Variants in AGO4 observed in about 807,000 individuals in gnomAD.
The protein encoded by AGO4 is argonaute RISC component 4.
In AGO4, 33 loss-of-function variants were observed where a neutral mutation model predicts 104.7. The observed-to-expected ratio is 0.32, with a 90% confidence interval of 0.24 to 0.42. The LOEUF (loss-of-function observed/expected upper bound fraction) is 0.42, where lower values mean the gene tolerates loss of function less well. Ranked by LOEUF, AGO4 falls within the 10% of genes least tolerant of loss-of-function variation. AGO4 has a pLI of 1.00. For synonymous variants in AGO4, 331 were observed against 364.7 expected, an observed-to-expected ratio of 0.91 and a Z score of 1.05; for missense variants, 711 against 1,083.4, an observed-to-expected ratio of 0.66 and a Z score of 4.83.
intron 15 of AGO4, among the ~76,000 whole-genome samples, chr1:35,846,698 C>T (rs1445109991): frequency 6.6e-6 from 1 of 151,780 alleles, no homozygotes; most frequent in Non-Finnish European, 1.5e-5. Flanking sequence ...GGTCCTCCCA[C>T]CTCAGCCTCC....
intron 2 of AGO4, among the ~76,000 whole-genome samples, chr1:35,821,519 A>G (rs1643885133): frequency 6.6e-6 from 1 of 152,176 alleles, no homozygotes; most frequent in Admixed American, 6.6e-5. Context: ...TCTATACACC[A>G]GTTTTTTTGC....
chr1:35,825,226 A>G (rs1424125911), intron 3 of AGO4, 87 bp from the exon 4 acceptor site: 1 of 1,359,336 alleles, frequency 7.4e-7, no homozygotes, highest in African/African-American at 1.5e-5. Flanking sequence ...AAATATCCTT[A>G]TGCATGTATC....
Position 35,831,415 on chromosome 1 carries a change from T to C in AGO4, c.849-12T>C. 1 of 1,567,332 alleles carries C rather than the reference T, an allele frequency of 6.4e-7. No individual in the cohort carries two copies. The highest frequency in any genetic ancestry group is 8.6e-7 in the Non-Finnish European group (1 of 1,163,020). On this transcript the variant is annotated splice_polypyrimidine_tract_variant and intron_variant, in intron 7 of 17. Coordinates refer to ENST00000373210, the MANE Select transcript of AGO4 (RefSeq NM_017629.4). ...TGAAGAAATATTCTAAAAAAGACATTCTCTCCTATAGTTTTCCTTTGCAGC... is the reference window on the plus strand; with the variant it reads ...TGAAGAAATATTCTAAAAAAGACATCCTCTCCTATAGTTTTCCTTTGCAGC...
At chr1:35,838,621 A>G (rs1644369666) in intron 13 of AGO4, among the ~76,000 whole-genome samples, 2 of 152,120 alleles carry the variant, frequency 1.3e-5, no homozygotes, top group South Asian at 4.1e-4. Flanking sequence ...AGTTTGTCAG[A>G]TTGACTCTAG....
chr1:35,808,777 C>T lies in AGO4; in HGVS notation c.19+342C>T, dbSNP rs1287281494. Among the ~76,000 whole-genome samples, 1 of 152,162 alleles carries T rather than the reference C, an allele frequency of 6.6e-6. No individual in the cohort carries two copies. The highest frequency in any genetic ancestry group is 1.5e-5 in the Non-Finnish European group (1 of 68,010). Reference sequence around the variant, plus strand: ...GGCCTCAGAAGGGGGCGATCCGCTACCCAGTGCGCGCGGAGGCCTGGCCCA... The same window carrying T: ...GGCCTCAGAAGGGGGCGATCCGCTATCCAGTGCGCGCGGAGGCCTGGCCCA... On this transcript the variant is annotated intron_variant, in intron 1 of 17. Coordinates refer to ENST00000373210, the MANE Select transcript of AGO4 (RefSeq NM_017629.4). This position sits in a 1 kb window ranked among gnomAD's most constrained non-coding sequence, Gnocchi z 5.2.
At position 35,825,685 on chromosome 1, in the gene AGO4, C is replaced by T. The variant is rs368683042; in HGVS notation, c.495C>T (p.Thr165=). The change falls in exon 5 of 18, where the codon ACC becomes ACT. Residue 165 remains threonine (T), a synonymous_variant. Coordinates refer to ENST00000373210, the MANE Select transcript of AGO4 (RefSeq NM_017629.4). ...CAAACTCTTATTTCTTCAGGTACAC[C>T]CCAGTGGGCCGTTCCTTTTTCTCAC... ...ITRHLPSMRY[T]PVGRSFFSPP... 6.4e-7 allele frequency: 1 copy of T among 1,550,530 alleles called. No homozygotes were observed. Among genetic ancestry groups the T allele is most frequent in the East Asian group, 2.2e-5 (1 of 44,534 alleles).
At chr1:35,837,778 T>G (rs1022749629) in intron 13 of AGO4, among the ~76,000 whole-genome samples, 1 of 152,184 alleles carries the variant, frequency 6.6e-6, no homozygotes, top group African/African-American at 2.4e-5. Flanking sequence ...TTCTTTGTGG[T>G]TTCTGGTCCT....
chr1:35,844,824 A>G (rs907119977), intron 15 of AGO4, among the ~76,000 whole-genome samples: 2 of 152,154 alleles, frequency 1.3e-5, no homozygotes, highest in Non-Finnish European at 2.9e-5. Flanking sequence ...CTTCTCCCTC[A>G]GTCTCACTGC....
At chr1:35,850,021 A>G in intron 15 of AGO4, 136 bp from the exon 16 acceptor site, 1 of 603,030 alleles carries the variant, frequency 1.7e-6, no homozygotes, top group Non-Finnish European at 2.9e-6. Context: ...AGAGGATTCA[A>G]CATCTTGAAT....
intron 12 of AGO4, 67 bp downstream of exon 12, chr1:35,834,241 T>C (rs1400960207): frequency 7.6e-7 from 1 of 1,320,750 alleles, no homozygotes; most frequent in Non-Finnish European, 9.9e-7. Context: ...CAGGATAAGC[T>C]AGGTTATGCT....
intron 1 of AGO4, among the ~76,000 whole-genome samples, chr1:35,815,833 A>G (rs1254027994): frequency 1.3e-5 from 2 of 152,142 alleles, no homozygotes; most frequent in Non-Finnish European, 2.9e-5. Context: ...GTGTCCATAT[A>G]TTTGCCAAAT....
At chr1:35,812,405 A>C (rs1475502191) in intron 1 of AGO4, among the ~76,000 whole-genome samples, 1 of 152,144 alleles carries the variant, frequency 6.6e-6, no homozygotes, top group Non-Finnish European at 1.5e-5. Flanking sequence ...TTGACATTCA[A>C]GTACTTCAGA....
chr1:35,820,390 C>T (rs1431678861), intron 2 of AGO4, among the ~76,000 whole-genome samples: 1 of 152,008 alleles, frequency 6.6e-6, no homozygotes, highest in East Asian at 1.9e-4. Flanking sequence ...TGGAGTCTCA[C>T]TCTGTCACCC....
rs907557116 is a variant in AGO4 at position 35,857,034 on chromosome 1, C to G, written c.*3429C>G. 2.0e-5 allele frequency: 3 copies of G among 152,204 alleles called. No individual in the cohort carries two copies. The highest frequency in any genetic ancestry group is 4.8e-5 in the African/African-American group (2 of 41,454). 9.4% of individuals were successfully genotyped at this position (152,204 alleles called of 1,614,324 possible). On this transcript the variant is annotated 3_prime_UTR_variant, in exon 18 of 18. Coordinates refer to ENST00000373210, the MANE Select transcript of AGO4 (RefSeq NM_017629.4). Reference sequence around the variant, plus strand: ...GCTTCCAAAGGTGATGATTTTCAAGCAGACATGTTCTATATGGTCTGTGTT... The same window carrying G: ...GCTTCCAAAGGTGATGATTTTCAAGGAGACATGTTCTATATGGTCTGTGTT...
chr1:35,826,284 A>G (rs962272476), intron 6 of AGO4, among the ~76,000 whole-genome samples: 2 of 152,238 alleles, frequency 1.3e-5, no homozygotes, highest in African/African-American at 4.8e-5. Context: ...AAATGCAATT[A>G]GGCTTATAAA....
chr1:35,811,606 G>T (rs367854961), intron 1 of AGO4, among the ~76,000 whole-genome samples: 44 of 151,918 alleles, frequency 2.9e-4, no homozygotes, highest in East Asian at 1.7e-3. Flanking sequence ...AACGTTTTTT[G>T]TTGTTGTTGT....
intron 3 of AGO4, among the ~76,000 whole-genome samples, chr1:35,823,241 A>C: frequency 6.6e-6 from 1 of 152,080 alleles, no homozygotes; most frequent in African/African-American, 2.4e-5. Flanking sequence ...ATAACACATC[A>C]ATTCTTAGAA....
In AGO4 at chr1:35,832,194, T is replaced by A; in HGVS notation, c.1245+9T>A. Reference sequence around the variant, plus strand: ...TGCAATATGGAGGCCGGGTAAGCTTTTTATTTTATTCAGCAAGCTTCTTCC... The same window carrying A: ...TGCAATATGGAGGCCGGGTAAGCTTATTATTTTATTCAGCAAGCTTCTTCC... On this transcript the variant is annotated intron_variant, in intron 10 of 17. Transcript: ENST00000373210. 1 of 1,609,568 alleles carries A rather than the reference T, an allele frequency of 6.2e-7. No homozygotes were observed.
rs780467402 is a variant in AGO4, at chr1:35,816,986, A to C, written c.124A>C (p.Ile42Leu). Residue 42 changes from isoleucine (I) to leucine (L), a missense_variant, in exon 2 of 18, where the codon ATA (isoleucine) becomes CTA (leucine). Around this residue, in one of 3 missense-constraint regions of AGO4, gnomAD observed 308 missense variants for 397.8 expected, o/e 0.77. Coordinates refer to ENST00000373210, the MANE Select transcript of AGO4 (RefSeq NM_017629.4). ...ANHFQVQIPK[I>L]DVYHYDVDIK... is the part of the protein sequence containing the mutation. Reference sequence around the variant, plus strand: ...TCATTTTCAGGTTCAGATTCCTAAAATAGATGTGTATCACTATGATGTGGA... The same window carrying C: ...TCATTTTCAGGTTCAGATTCCTAAACTAGATGTGTATCACTATGATGTGGA... 1 of 1,614,112 alleles carries C rather than the reference A, an allele frequency of 6.2e-7. No individual in the cohort carries two copies. The highest frequency in any genetic ancestry group is 8.5e-7 in the Non-Finnish European group (1 of 1,179,992).
Sources: allele counts gnomAD v4.1 joint callset (sites outside exome capture counted in the v4.1 genomes callset), GRCh38; gene constraint gnomAD v4.1.1; regional missense constraint gnomAD v4.1.1; non-coding constraint Gnocchi (gnomAD v3.1); transcripts MANE v1.5; gene names NCBI Gene and HGNC (gene_info 2026-07-23, HGNC 2026-07-21).